The following SOX5 variants were observed in gnomAD, a reference collection of about 807,000 sequenced individuals.
SOX5 encodes the protein transcription factor SOX-5.
Under a neutral mutation model 92.0 loss-of-function variants are expected in SOX5, and 9 were observed. The ratio of observed to expected loss-of-function variants is 0.10; its 90% CI spans 0.06 to 0.17. SOX5 has a LOEUF of 0.17. SOX5 is among the 10% of genes least tolerant of loss of function. SOX5 has a pLI of 1.00. For synonymous variants in SOX5, 344 were observed against 336.3 expected, an observed-to-expected ratio of 1.02 and a Z score of -0.25; for missense variants, 642 against 944.5, an observed-to-expected ratio of 0.68 and a Z score of 4.20.
rs144581480 is a variant in SOX5, at chr12:23,634,159, C to T, written c.1017+6653G>A. ...AGTCTCTTTCATTTGCAAGTATGCA[C>T]TGAATACCTGCTATTTGCTAGGCAT... On this transcript the variant is annotated intron_variant, in intron 8 of 14. Coordinates refer to ENST00000451604, the MANE Select transcript of SOX5 (RefSeq NM_006940.6). Among the ~76,000 whole-genome samples the T allele has an allele frequency of 1.2e-3, 180 of 152,252 alleles. 1 individual carries two copies. Among genetic ancestry groups the T allele is most frequent in the Non-Finnish European group, 2.3e-3 (159 of 68,010 alleles).
At chr12:24,541,447 A>C (rs1285818364) in intron 1 of SOX5, among the ~76,000 whole-genome samples, 1 of 152,122 alleles carries the variant, frequency 6.6e-6, no homozygotes. Context: ...TTGTTTCATC[A>C]ATATGACTAT....
chr12:23,585,089 T>A (rs1169156162), intron 9 of SOX5, among the ~76,000 whole-genome samples: 2 of 152,182 alleles, frequency 1.3e-5, no homozygotes, highest in Non-Finnish European at 2.9e-5. Flanking sequence ...CTATTGTTTT[T>A]AATATAGCAT....
intron 1 of SOX5, among the ~76,000 whole-genome samples, chr12:24,467,774 G>A (rs71450438): frequency 0.084 from 12,771 of 152,136 alleles, 661 homozygotes; most frequent in South Asian, 0.16. Flanking sequence ...TGTCCTGGGG[G>A]GTGGATAAAC....
chr12:23,915,214 A>T (rs952123436), intron 1 of SOX5, among the ~76,000 whole-genome samples: 4 of 152,270 alleles, frequency 2.6e-5, no homozygotes, highest in African/African-American at 9.6e-5. Context: ...CAAACAGTAT[A>T]CATACTGAAT....
At chr12:23,765,952 C>T (rs2094713050) in intron 3 of SOX5, among the ~76,000 whole-genome samples, 1 of 152,148 alleles carries the variant, frequency 6.6e-6, no homozygotes. Flanking sequence ...GAGGAAGATA[C>T]ACCAATTGTG....
chr12:23,733,938 G>A (rs16926687), intron 6 of SOX5, among the ~76,000 whole-genome samples: 10,850 of 152,060 alleles, frequency 0.071, 1,346 homozygotes, highest in African/African-American at 0.25. Context: ...CTATGCTAAG[G>A]CTCTTTATCC....
chr12:23,649,924 C>T (rs1401840044), intron 7 of SOX5, among the ~76,000 whole-genome samples: 1 of 152,134 alleles, frequency 6.6e-6, no homozygotes, highest in Non-Finnish European at 1.5e-5. Flanking sequence ...CTTTCATCTA[C>T]TGAACTAATG....
chr12:24,080,684 A>T (rs1943220042), intron 4 of SOX5, among the ~76,000 whole-genome samples: 1 of 152,022 alleles, frequency 6.6e-6, no homozygotes, highest in African/African-American at 2.4e-5. Flanking sequence ...GTTCCAAAAT[A>T]TTGTTTGCTG....
At chr12:24,464,415 A>C (rs924591766) in intron 1 of SOX5, among the ~76,000 whole-genome samples, 3 of 150,810 alleles carry the variant, frequency 2.0e-5, no homozygotes, top group East Asian at 2.0e-4. Context: ...CTCCGCCTCC[A>C]GGGTTCACGC....
At chr12:23,842,106 G>A (rs2096525713) in intron 3 of SOX5, among the ~76,000 whole-genome samples, 1 of 152,088 alleles carries the variant, frequency 6.6e-6, no homozygotes, top group Non-Finnish European at 1.5e-5. Flanking sequence ...AGTTACCTTA[G>A]TAACTTTGGA....
At chr12:23,586,892 G>T (rs1473191574) in intron 9 of SOX5, among the ~76,000 whole-genome samples, 1 of 150,526 alleles carries the variant, frequency 6.6e-6, no homozygotes, top group East Asian at 1.9e-4. Context: ...AAAAGGCACA[G>T]TATAGGTCTA....
intron 3 of SOX5, among the ~76,000 whole-genome samples, chr12:24,264,075 TTTTTAC>T (rs1382515994): frequency 6.6e-6 from 1 of 152,180 alleles, no homozygotes; most frequent in Admixed American, 6.5e-5. Context: ...GACTTTTTTC[TTTTTAC>T]TTTTAAATAA....
At position 24,437,482 on chromosome 12, in the gene SOX5, A is replaced by G. The variant is rs186013584; in HGVS notation, c.-250-68843T>C. Among the ~76,000 whole-genome samples the G allele has an allele frequency of 1.2e-3, 184 of 152,344 alleles. 2 individuals carry two copies. In the Middle Eastern group the frequency reaches 0.014, roughly 11 times the overall value. On this transcript the variant is annotated intron_variant, in intron 1 of 4. Coordinates refer to the SOX5 transcript ENST00000446891. ...CAAAATTGACAAATGAGATCTAATT[A>G]AACTAAAAAGCTTCTGCACAGCAAA...
intron 2 of SOX5, chr12:24,357,334 C>G (rs1290884040): frequency 6.6e-6 from 1 of 152,124 alleles, no homozygotes; most frequent in African/African-American, 2.4e-5. Context: ...TATTTAGTGC[C>G]TACCAGATGC....
In SOX5 at chr12:23,845,620, G is replaced by A. The variant is rs1411777375; in HGVS notation, c.481+363C>T. Among the ~76,000 whole-genome samples the A allele has an allele frequency of 4.1e-5, 6 of 147,136 alleles. No homozygotes were observed. The Admixed American group carries it at 4.2e-4, about 10-fold the overall frequency. On this transcript the variant is annotated intron_variant, in intron 3 of 14. Transcript: ENST00000451604. ...ATGTGTAAAGGTTACAAAATGTAGT[G>A]AAATTCTACATTAATCCTCAAGGGA...
At chr12:24,367,937 A>G (rs1206539312) in intron 2 of SOX5, 1 of 152,172 alleles carries the variant, frequency 6.6e-6, no homozygotes. Flanking sequence ...TATTTACTGC[A>G]TTTACTATAT....
At chr12:23,839,785 A>C (rs2096488626) in intron 3 of SOX5, among the ~76,000 whole-genome samples, 1 of 151,504 alleles carries the variant, frequency 6.6e-6, no homozygotes. Context: ...CATAATAAAA[A>C]CTCTCAGCAA....
intron 4 of SOX5, among the ~76,000 whole-genome samples, chr12:24,188,321 A>G (rs1006905168): frequency 2.0e-5 from 3 of 152,200 alleles, no homozygotes; most frequent in Admixed American, 2.0e-4. Flanking sequence ...TGAAATATTT[A>G]TACCCTAGTA....
chr12:23,637,829 G>A (rs1036159787), intron 8 of SOX5: 3 of 152,380 alleles, frequency 2.0e-5, no homozygotes, highest in African/African-American at 4.8e-5. Flanking sequence ...TAAAGACACA[G>A]TAATGCCTGT....
Sources: allele counts gnomAD v4.1 joint callset (sites outside exome capture counted in the v4.1 genomes callset), GRCh38; gene constraint gnomAD v4.1.1; transcripts MANE v1.5; gene names NCBI Gene and HGNC (gene_info 2026-07-23, HGNC 2026-07-21).